The following DNMT3B variants were observed in gnomAD, a reference collection of about 807,000 sequenced individuals.
DNMT3B encodes DNA (cytosine-5)-methyltransferase 3B.
In DNMT3B, 37 loss-of-function variants were observed where a neutral mutation model predicts 120.2. The observed-to-expected ratio is 0.31, with a 90% confidence interval of 0.24 to 0.40. The LOEUF (loss-of-function observed/expected upper bound fraction) is 0.40. Ranked by LOEUF, DNMT3B falls within the 10% of genes least tolerant of loss-of-function variation. DNMT3B has a pLI of 1.00. For synonymous variants in DNMT3B, 412 were observed against 442.8 expected, an observed-to-expected ratio of 0.93 and a Z score of 0.87; for missense variants, 878 against 1,137.3, an observed-to-expected ratio of 0.77 and a Z score of 3.28.
chr20:32,783,614 C>T (rs1978890065), intron 3 of DNMT3B, among the ~76,000 whole-genome samples: 1 of 152,000 alleles, frequency 6.6e-6, no homozygotes, highest in African/African-American at 2.4e-5. Context: ...AACCTAAGCC[C>T]TGGGAGGAAT....
At chr20:32,763,407 C>A (rs1463862650) in intron 1 of DNMT3B, among the ~76,000 whole-genome samples, 1 of 152,190 alleles carries the variant, frequency 6.6e-6, no homozygotes, top group Admixed American at 6.5e-5. Flanking sequence ...GCACACCTGG[C>A]CCGGGAGGAG....
chr20:32,799,189 G>A (rs1407825541), intron 15 of DNMT3B, 55 bp from the exon 16 acceptor site: 8 of 1,572,894 alleles, frequency 5.1e-6, no homozygotes, highest in Non-Finnish European at 4.3e-6. Flanking sequence ...CTCCCTCAGA[G>A]CTTGAGTCTT....
chr20:32,796,769 A>G (rs750238191), intron 12 of DNMT3B, 21 bp from the exon 13 acceptor site: 83 of 1,614,084 alleles, frequency 5.1e-5, no homozygotes, highest in Middle Eastern at 1.6e-4. Flanking sequence ...GCCAAAAGCC[A>G]CAACCCTGTT....
intron 16 of DNMT3B, 72 bp downstream of exon 16, chr20:32,799,400 G>T: frequency 6.5e-7 from 1 of 1,530,164 alleles, no homozygotes; most frequent in Non-Finnish European, 8.9e-7. Context: ...AGAAGGCATG[G>T]TTAAGGTGTC....
chr20:32,798,783 A>T, intron 15 of DNMT3B, 140 bp downstream of exon 15: 1 of 1,243,892 alleles, frequency 8.0e-7, no homozygotes, highest in Non-Finnish European at 1.1e-6. Context: ...AGACCTGGCG[A>T]ATTGCCAGCT....
intron 21 of DNMT3B, among the ~76,000 whole-genome samples, chr20:32,805,942 C>T (rs900114067): frequency 6.6e-6 from 1 of 152,160 alleles, no homozygotes. Context: ...TTCTCTGAGG[C>T]TGGTCCTTCC....
intron 1 of DNMT3B, among the ~76,000 whole-genome samples, chr20:32,768,014 C>A (rs1335932380): frequency 6.6e-6 from 1 of 152,128 alleles, no homozygotes; most frequent in Admixed American, 6.6e-5. Context: ...GCAGCCAGAA[C>A]AGTGATGGGC....
chr20:32,800,266 G>A lies in DNMT3B; in HGVS notation c.1873G>A (p.Val625Met), dbSNP rs201657518. ...TVKHEGNIKY[V>M]NDVRNITKKN... ...GAAGCACGAGGGGAATATCAAATAC[G>A]TGAACGACGTGAGGAACATCACAAA... is the stretch of plus-strand genomic sequence containing the variant. Residue 625 changes from valine to methionine, a missense_variant, in exon 17 of 23, where the codon GTG (valine) becomes ATG (methionine). Physicochemically the swap from Val to Met is conservative, Grantham distance 21. Transcript: ENST00000328111. 3.7e-6 allele frequency: 6 copies of A among 1,614,178 alleles called. No homozygotes were observed. The highest frequency in any genetic ancestry group is 2.2e-5 in the East Asian group (1 of 44,882).
chr20:32,791,794 A>G (rs1254208506), intron 8 of DNMT3B, 86 bp downstream of exon 8: 4 of 1,507,786 alleles, frequency 2.7e-6, no homozygotes, highest in East Asian at 2.3e-5. Context: ...AGTGTTGCCA[A>G]GGGTGGTTTG....
At chr20:32,784,991 A>C in intron 4 of DNMT3B, 132 bp downstream of exon 4, 2 of 877,276 alleles carry the variant, frequency 2.3e-6, no homozygotes, top group Non-Finnish European at 3.7e-6. Context: ...TTTTGAAACT[A>C]GAAAATATAA....
chr20:32,800,138 C>T lies in DNMT3B; in HGVS notation c.1760-15C>T. On this transcript the variant is annotated splice_polypyrimidine_tract_variant and intron_variant, in intron 16 of 22. Transcript: ENST00000328111. ...CAGCATCATTTATGCTTCTGTGTCT[C>T]TCTGGCCCCCACAGGCTACCTAGTC... 2.5e-6 allele frequency: 4 copies of T among 1,614,174 alleles called. No homozygotes were observed. The highest frequency in any genetic ancestry group is 3.3e-4 in the Middle Eastern group (2 of 6,050).
Position 32,786,602 on chromosome 20 carries a change from C to G in DNMT3B, c.407C>G (p.Ser136Cys). The change falls in exon 5 of 23, where the codon TCC becomes TGC. Residue 136 changes from serine (S) to cysteine (C), a missense_variant. Around this residue, in one of 4 missense-constraint regions of DNMT3B, gnomAD observed 287 missense variants for 306.2 expected, o/e 0.94. Transcript: ENST00000328111. ...CAGGGCCGCAACCATGTGGACGAGT[C>G]CCCCGTGGAGTTCCCGGCTACCAGG... ...GRQGRNHVDE[S>C]PVEFPATRSL... The G allele has an allele frequency of 6.2e-7, 1 of 1,613,922 alleles. No homozygotes were observed. Among genetic ancestry groups the G allele is most frequent in the African/African-American group, 1.3e-5 (1 of 75,082 alleles).
chr20:32,794,757 T>G (rs1373955907), intron 10 of DNMT3B, among the ~76,000 whole-genome samples: 1 of 152,228 alleles, frequency 6.6e-6, no homozygotes, highest in Non-Finnish European at 1.5e-5. Flanking sequence ...AGTCTACATT[T>G]ATAGTGCTGG....
At chr20:32,773,630 A>G (rs1365997225) in intron 1 of DNMT3B, among the ~76,000 whole-genome samples, 1 of 111,498 alleles carries the variant, frequency 9.0e-6, no homozygotes, top group Non-Finnish European at 1.9e-5. Flanking sequence ...TTTTTTTTTT[A>G]TAACAGGGTC....
Position 32,808,578 on chromosome 20 carries a change from A to AT in DNMT3B, c.*681dup, listed in dbSNP as rs1187777654. 1 of 231,576 alleles carries AT rather than the reference A, an allele frequency of 4.3e-6. No homozygotes were observed. Among genetic ancestry groups the AT allele is most frequent in the Non-Finnish European group, 8.5e-6 (1 of 117,062 alleles). The allele number at this position is 231,576 out of a possible 1,614,324, so 14.3% of individuals were successfully genotyped here. ...TGACGTCATCATCACATTCAGGGCTATTTTTTCCCCCACAAACCCAAGGGC... is the reference window on the plus strand; with the variant it reads ...TGACGTCATCATCACATTCAGGGCTATTTTTTTCCCCCACAAACCCAAGGGC... On this transcript the variant is annotated 3_prime_UTR_variant, in exon 23 of 23. Coordinates refer to ENST00000328111, the MANE Select transcript of DNMT3B (RefSeq NM_006892.4).
chr20:32,783,974 G>A (rs1276889239), intron 3 of DNMT3B, among the ~76,000 whole-genome samples: 2 of 150,744 alleles, frequency 1.3e-5, no homozygotes, highest in African/African-American at 2.4e-5. Context: ...GCGGTGGCGC[G>A]ATCTCGGCTC....
intron 1 of DNMT3B, among the ~76,000 whole-genome samples, chr20:32,770,686 C>A (rs906179100): frequency 6.7e-6 from 1 of 149,944 alleles, no homozygotes; most frequent in Non-Finnish European, 1.5e-5. Flanking sequence ...GATCTTGGTT[C>A]ACCACAACCT....
chr20:32,770,611 T>A (rs6057642), intron 1 of DNMT3B, among the ~76,000 whole-genome samples: 7,580 of 43,044 alleles, frequency 0.18, 608 homozygotes, highest in African/African-American at 0.5. Context: ...TCCGCCTTAC[T>A]TTTTTTTTTT....
intron 19 of DNMT3B, 58 bp from the exon 20 acceptor site, chr20:32,802,327 G>A (rs1568860246): frequency 6.4e-7 from 1 of 1,569,636 alleles, no homozygotes; most frequent in East Asian, 2.2e-5. Context: ...GCAAAGGTCT[G>A]GTTGACACTG....
Sources: allele counts gnomAD v4.1 joint callset (sites outside exome capture counted in the v4.1 genomes callset), GRCh38; gene constraint gnomAD v4.1.1; regional missense constraint gnomAD v4.1.1; transcripts MANE v1.5; gene names NCBI Gene and HGNC (gene_info 2026-07-23, HGNC 2026-07-21).